The following TMEM45A variants were observed in gnomAD, a reference collection of about 807,000 sequenced individuals.
TMEM45A encodes DNA polymerase-transactivated protein 4.
Under a neutral mutation model 32.0 loss-of-function variants are expected in TMEM45A, and 25 were observed. The observed-to-expected ratio is 0.78, with a 90% CI of 0.57 to 1.09. TMEM45A has a LOEUF of 1.09. TMEM45A is among the 50% of genes least tolerant of loss of function. The pLI is 0.00. For synonymous variants in TMEM45A, 122 were observed against 114.8 expected (o/e 1.06, Z -0.40); for missense variants, 302 against 325.0 (o/e 0.93, Z 0.54).
intron 1 of TMEM45A, 34 bp from the exon 2 acceptor site, chr3:100,555,175 G>C (rs1706188532): frequency 9.0e-6 from 14 of 1,553,744 alleles, no homozygotes; most frequent in Non-Finnish European, 1.2e-5. Flanking sequence ...GCAATGAAAT[G>C]TCTTTTACTT....
chr3:100,576,654 A>G (rs187459501), intron 5 of TMEM45A, among the ~76,000 whole-genome samples: 132 of 152,222 alleles, frequency 8.7e-4, no homozygotes, highest in African/African-American at 3.0e-3. Flanking sequence ...AAAAAGAAAA[A>G]GAAAAAGAAA....
At chr3:100,521,238 G>A (rs376560629) in intron 1 of TMEM45A, among the ~76,000 whole-genome samples, 1 of 151,958 alleles carries the variant, frequency 6.6e-6, no homozygotes, top group East Asian at 1.9e-4. Context: ...ATGGGATACG[G>A]TAGGGTTTAG....
chr3:100,562,042 TAAC>T (rs2148988299), intron 4 of TMEM45A, among the ~76,000 whole-genome samples: 1 of 152,346 alleles, frequency 6.6e-6, no homozygotes, highest in East Asian at 1.9e-4. Flanking sequence ...GATAATCAGA[TAAC>T]AACAGGAAAT....
In TMEM45A at chr3:100,563,459, A is replaced by T. The variant is rs554433931; in HGVS notation, c.588+4870A>T. ...TTATCTCTGGGAGCTGAAGCAGATC[A>T]CTTCCCAGATCGCAGGTCATGTGGA... On this transcript the variant is annotated intron_variant, in intron 4 of 5. Coordinates refer to ENST00000323523, the MANE Select transcript of TMEM45A (RefSeq NM_018004.3). 1.1e-4 allele frequency among the ~76,000 whole-genome samples: 17 copies of T among 152,330 alleles called. No individual in the cohort carries two copies. In the South Asian group the frequency reaches 3.3e-3, roughly 30 times the overall value.
intron 1 of TMEM45A, among the ~76,000 whole-genome samples, chr3:100,541,310 T>C (rs1023727842): frequency 3.3e-5 from 5 of 152,204 alleles, no homozygotes; most frequent in Non-Finnish European, 5.9e-5. Context: ...TATTTTGCTC[T>C]GCAGAAGATC....
intron 1 of TMEM45A, among the ~76,000 whole-genome samples, chr3:100,503,598 G>A (rs1407643283): frequency 1.3e-5 from 2 of 152,206 alleles, no homozygotes; most frequent in Non-Finnish European, 2.9e-5. Flanking sequence ...ATGAAGCAAT[G>A]TGTGTGATGG....
At chr3:100,517,421 T>C (rs927302320) in intron 1 of TMEM45A, among the ~76,000 whole-genome samples, 10 of 152,238 alleles carry the variant, frequency 6.6e-5, no homozygotes, top group African/African-American at 2.4e-4. Context: ...ACTTGATACT[T>C]TCTGAAAAAG....
intron 1 of TMEM45A, among the ~76,000 whole-genome samples, chr3:100,541,688 C>T (rs1705883345): frequency 1.3e-5 from 2 of 151,974 alleles, no homozygotes; most frequent in East Asian, 1.9e-4. Flanking sequence ...TGCCACCATG[C>T]CCAGCTAACT....
rs573009884 is a variant in TMEM45A at position 100,493,929 on chromosome 3, G to A, written c.-4+1001G>A. ...GTATTTTTAGTAAAGACGGGGTTTC[G>A]CCATGTTGGCCAGGCTGGTCTTGAA... On this transcript the variant is annotated intron_variant, in intron 1 of 5. Transcript: ENST00000323523. Among the ~76,000 whole-genome samples, 368 of 152,098 alleles carry A rather than the reference G, an allele frequency of 2.4e-3. 1 individual carries two copies. The highest frequency in any genetic ancestry group is 4.4e-3 in the Non-Finnish European group (296 of 67,998).
At chr3:100,504,423 A>AC (rs1473272364) in intron 1 of TMEM45A, among the ~76,000 whole-genome samples, 1 of 152,146 alleles carries the variant, frequency 6.6e-6, no homozygotes, top group Non-Finnish European at 1.5e-5. Flanking sequence ...GGGTCTCCTG[A>AC]CTTTGATTCT....
intron 1 of TMEM45A, among the ~76,000 whole-genome samples, chr3:100,520,615 C>T (rs1333426453): frequency 6.6e-6 from 1 of 152,178 alleles, no homozygotes; most frequent in Non-Finnish European, 1.5e-5. Context: ...GTACGCCCCA[C>T]ACAAACCTCT....
intron 1 of TMEM45A, among the ~76,000 whole-genome samples, chr3:100,515,419 A>G (rs1708244662): frequency 6.9e-6 from 1 of 144,692 alleles, no homozygotes; most frequent in Non-Finnish European, 1.5e-5. Context: ...ATAGGTGGGA[A>G]TTGAACAATG....
intron 4 of TMEM45A, among the ~76,000 whole-genome samples, chr3:100,560,138 T>A (rs1706304460): frequency 1.3e-5 from 2 of 152,158 alleles, no homozygotes; most frequent in African/African-American, 4.8e-5. Context: ...TTCATCTGAT[T>A]GATCTCTCAC....
At chr3:100,570,968 G>GC (rs1553685956) in intron 5 of TMEM45A, 1 of 145,638 alleles carries the variant, frequency 6.9e-6, no homozygotes, top group Non-Finnish European at 1.5e-5. Context: ...AAGAGTTTTT[G>GC]TTTTTTTTTT....
intron 1 of TMEM45A, among the ~76,000 whole-genome samples, chr3:100,522,540 G>A (rs1705456054): frequency 6.6e-6 from 1 of 152,136 alleles, no homozygotes; most frequent in Admixed American, 6.5e-5. Flanking sequence ...ACTCTCTGGT[G>A]CTGGCCTATA....
chr3:100,575,192 A>T (rs899212649), intron 5 of TMEM45A, among the ~76,000 whole-genome samples: 1 of 152,168 alleles, frequency 6.6e-6, no homozygotes, highest in East Asian at 1.9e-4. Context: ...ATATGGTCAC[A>T]GCACAATGCC....
At chr3:100,539,191 T>C (rs1422205559) in intron 1 of TMEM45A, among the ~76,000 whole-genome samples, 1 of 152,122 alleles carries the variant, frequency 6.6e-6, no homozygotes, top group African/African-American at 2.4e-5. Context: ...ACTACCTGAC[T>C]TCAAAACTTA....
Position 100,511,564 on chromosome 3 carries a change from A to G in TMEM45A, c.-4+18636A>G, listed in dbSNP as rs566645244. On this transcript the variant is annotated intron_variant, in intron 1 of 5. Transcript: ENST00000323523. ...ACGAGACTAGGAAGAAACTGCATGA[A>G]CTAATGAGCAAAATAACCAGCTAAC... Among the ~76,000 whole-genome samples, 357 of 152,334 alleles carry G rather than the reference A, an allele frequency of 2.3e-3. 1 individual carries two copies. The highest frequency in any genetic ancestry group is 1.9e-3 in the Non-Finnish European group (126 of 68,044).
At chr3:100,501,411 A>G (rs1401369957) in intron 1 of TMEM45A, among the ~76,000 whole-genome samples, 7 of 152,202 alleles carry the variant, frequency 4.6e-5, no homozygotes, top group South Asian at 2.1e-4. Context: ...GTTGAGAACC[A>G]TGGATCTAGT....
Sources: allele counts gnomAD v4.1 joint callset (sites outside exome capture counted in the v4.1 genomes callset), GRCh38; gene constraint gnomAD v4.1.1; transcripts MANE v1.5; gene names NCBI Gene and HGNC (gene_info 2026-07-23, HGNC 2026-07-21).